The following ANKRD30B variants were observed in gnomAD, a reference collection of about 807,000 sequenced individuals.
ANKRD30B encodes the protein ankyrin repeat domain 30B, also known as ankyrin repeat domain-containing protein 30B.
Under a neutral mutation model 202.2 loss-of-function variants are expected in ANKRD30B, and 144 were observed. That is an observed-to-expected ratio of 0.71 (90% confidence interval 0.62 to 0.82). ANKRD30B has a LOEUF of 0.82. Ranked by LOEUF, ANKRD30B falls within the 40% of genes least tolerant of loss-of-function variation. The pLI, the probability that ANKRD30B is intolerant of heterozygous loss-of-function variation, is 0.00. For missense variants in ANKRD30B, 1,487 were observed against 1,669.1 expected, an observed-to-expected ratio of 0.89 and a Z score of 1.90; for synonymous variants, 508 against 561.3, an observed-to-expected ratio of 0.91 and a Z score of 1.34.
At position 14,788,551 on chromosome 18, in the gene ANKRD30B, C is replaced by T. The variant is rs573893138; in HGVS notation, c.1734+1451C>T. On this transcript the variant is annotated intron_variant, in intron 15 of 43. Coordinates refer to ENST00000690538, the MANE Select transcript of ANKRD30B (RefSeq NM_001367607.2). ...TAATGCTATCCCTCCCCGCTCCCCC[C>T]ACCCCACAACAGTCCCCAGAGTGTG... 8.5e-5 allele frequency among the ~76,000 whole-genome samples: 13 copies of T among 152,208 alleles called. No homozygotes were observed. In the South Asian group the frequency reaches 2.5e-3, roughly 29 times the overall value.
At chr18:14,908,310 C>T in the ANKRD30B span, among the ~76,000 whole-genome samples, 1 of 152,186 alleles carries the variant, frequency 6.6e-6, no homozygotes, top group East Asian at 1.9e-4. Flanking sequence ...CCGCTGTTTA[C>T]TTCACTTTAA....
At chr18:14,886,880 A>T in the ANKRD30B span, among the ~76,000 whole-genome samples, 13 of 152,106 alleles carry the variant, frequency 8.5e-5, no homozygotes, top group Non-Finnish European at 1.6e-4. Context: ...AATACCATTC[A>T]TGCTCTCTCC....
chr18:14,896,069 T>C, the ANKRD30B span, among the ~76,000 whole-genome samples: 9 of 152,110 alleles, frequency 5.9e-5, no homozygotes, highest in Non-Finnish European at 1.0e-4. Context: ...ACATTAATGC[T>C]AGATATTTAT....
At chr18:14,874,604 A>C in the ANKRD30B span, among the ~76,000 whole-genome samples, 1 of 152,166 alleles carries the variant, frequency 6.6e-6, no homozygotes, top group African/African-American at 2.4e-5. Context: ...CAAAAAAAAA[A>C]GTGTTTACAG....
intron 30 of ANKRD30B, among the ~76,000 whole-genome samples, chr18:14,820,168 G>A (rs1285540733): frequency 1.3e-5 from 2 of 152,060 alleles, no homozygotes; most frequent in Non-Finnish European, 2.9e-5. Context: ...CTGTTTGTCT[G>A]TTATTGGTGT....
At chr18:14,806,835 T>C (rs1368502931) in intron 24 of ANKRD30B, among the ~76,000 whole-genome samples, 1 of 150,260 alleles carries the variant, frequency 6.7e-6, no homozygotes, top group Non-Finnish European at 1.5e-5. Flanking sequence ...GATGTACATT[T>C]ATCATATTTT....
chr18:14,751,699 A>C (rs947056170), intron 1 of ANKRD30B, among the ~76,000 whole-genome samples: 1 of 152,136 alleles, frequency 6.6e-6, no homozygotes, highest in African/African-American at 2.4e-5. Context: ...TTGAAACCAA[A>C]GTTTTCTTTG....
intron 1 of ANKRD30B, among the ~76,000 whole-genome samples, chr18:14,749,286 A>T (rs1913017286): frequency 6.6e-6 from 1 of 152,252 alleles, no homozygotes. Flanking sequence ...TTTTTAAATT[A>T]CACAGGCTTT....
In ANKRD30B at chr18:14,763,721, C is replaced by A; in HGVS notation, c.856C>A (p.Pro286Thr). 1 of 1,614,038 alleles carries A rather than the reference C, an allele frequency of 6.2e-7. No homozygotes were observed. The highest frequency in any genetic ancestry group is 8.5e-7 in the Non-Finnish European group (1 of 1,179,980). Residue 286 changes from proline to threonine, a missense_variant, in exon 7 of 44, where the codon CCC becomes ACC. By Grantham distance (38) the Pro-to-Thr change is conservative. Coordinates refer to ENST00000690538, the MANE Select transcript of ANKRD30B (RefSeq NM_001367607.2). ...TSTGTPDEAA[P>T]LAERTPDTAE... is the part of the protein sequence containing the mutation. The stretch of plus-strand genomic sequence containing the variant: ...TACAGGAACACCTGATGAGGCTGCA[C>A]CCTTGGCGGAAAGAACACCTGACAC...
At chr18:14,850,637 A>C (rs552767243) in intron 41 of ANKRD30B, among the ~76,000 whole-genome samples, 89 of 151,924 alleles carry the variant, frequency 5.9e-4, no homozygotes, top group African/African-American at 1.9e-3. Flanking sequence ...TTTATTGGTA[A>C]GTATTTTATT....
the ANKRD30B span, among the ~76,000 whole-genome samples, chr18:14,868,861 C>T: frequency 1.6e-4 from 25 of 152,394 alleles, no homozygotes; most frequent in Non-Finnish European, 2.6e-4. Flanking sequence ...GCTTCTATGG[C>T]CAGGAAGTGA....
chr18:14,762,495 G>C (rs1045700967), intron 6 of ANKRD30B, among the ~76,000 whole-genome samples: 1 of 152,124 alleles, frequency 6.6e-6, no homozygotes, highest in African/African-American at 2.4e-5. Context: ...ACGTAGTCTT[G>C]TACCAACAAG....
the ANKRD30B span, among the ~76,000 whole-genome samples, chr18:14,883,349 TTCTC>T: frequency 6.7e-5 from 7 of 104,886 alleles, no homozygotes; most frequent in Non-Finnish European, 1.2e-4. Context: ...CTCTCTCTCT[TTCTC>T]TCTCTCTGTC....
At chr18:14,861,037 A>G in the ANKRD30B span, among the ~76,000 whole-genome samples, 1 of 152,334 alleles carries the variant, frequency 6.6e-6, no homozygotes, top group East Asian at 1.9e-4. Context: ...ACTGAGCTTC[A>G]TAAAGAAAGG....
chr18:14,798,063 T>A (rs1190814038), intron 20 of ANKRD30B, among the ~76,000 whole-genome samples: 1 of 152,190 alleles, frequency 6.6e-6, no homozygotes, highest in African/African-American at 2.4e-5. Context: ...TTGCCTCATG[T>A]GGATATCTGT....
chr18:14,807,506 A>G lies in ANKRD30B; in HGVS notation c.2285-1045A>G, dbSNP rs1172745656. Among the ~76,000 whole-genome samples the G allele has an allele frequency of 4.9e-3, 729 of 147,866 alleles. 19 individuals carry two copies. The highest frequency in any genetic ancestry group is 0.017 in the African/African-American group (685 of 39,582). On this transcript the variant is annotated intron_variant, in intron 24 of 43. Transcript: ENST00000690538. ...ATGTAAAAAGTCTCTGGAAATTGACATCTAATTTTTGATACTTTCATATCA... is the reference window on the plus strand; with the variant it reads ...ATGTAAAAAGTCTCTGGAAATTGACGTCTAATTTTTGATACTTTCATATCA...
the ANKRD30B span, among the ~76,000 whole-genome samples, chr18:14,909,237 G>A: frequency 6.6e-6 from 1 of 152,178 alleles, no homozygotes; most frequent in African/African-American, 2.4e-5. Context: ...CTTGTTAAGG[G>A]TGTCCCTGTT....
intron 30 of ANKRD30B, among the ~76,000 whole-genome samples, chr18:14,818,505 TCCCC>T (rs1289668492): frequency 1.7e-5 from 1 of 60,464 alleles, no homozygotes; most frequent in Non-Finnish European, 3.2e-5. Context: ...ATGCTATCCC[TCCCC>T]CCTCCCCCCA....
chr18:14,824,876 A>T (rs1250348771), intron 32 of ANKRD30B, among the ~76,000 whole-genome samples: 3 of 152,192 alleles, frequency 2.0e-5, no homozygotes, highest in Non-Finnish European at 4.4e-5. Flanking sequence ...CATGTGAAGA[A>T]ATAGGTGTGA....
Sources: gnomAD v4.1 joint callset for allele counts (sites outside exome capture counted in the v4.1 genomes callset) on GRCh38, gnomAD v4.1.1 for gene constraint, MANE v1.5 for transcripts, NCBI Gene and HGNC (gene_info 2026-07-23, HGNC 2026-07-21) for gene names.